USP30: variants seen among roughly 807,000 people sequenced by gnomAD.
USP30 encodes the protein ubiquitin specific peptidase 30, also known as ubiquitin carboxyl-terminal hydrolase 30.
In USP30, 41 loss-of-function variants were observed where a neutral mutation model predicts 68.2. The observed-to-expected ratio is 0.60, with a 90% CI of 0.47 to 0.78. The LOEUF (loss-of-function observed/expected upper bound fraction) is 0.78, where lower values mean the gene tolerates loss of function less well. Ranked by LOEUF, USP30 falls within the 30% of genes least tolerant of loss-of-function variation. The pLI is 0.00. For missense variants in USP30, 522 were observed against 649.4 expected (o/e 0.80, Z 2.13); for synonymous variants, 229 against 253.7 (o/e 0.90, Z 0.93).
chr12:109,061,119 C>A (rs2041051108), intron 3 of USP30, among the ~76,000 whole-genome samples: 1 of 152,080 alleles, frequency 6.6e-6, no homozygotes, highest in African/African-American at 2.4e-5. Flanking sequence ...TAGAACTTGT[C>A]TCTAATCCTA....
At chr12:109,061,442 T>C (rs1459568321) in intron 3 of USP30, among the ~76,000 whole-genome samples, 2 of 150,968 alleles carry the variant, frequency 1.3e-5, no homozygotes, top group Non-Finnish European at 3.0e-5. Flanking sequence ...GGTTCTTCTG[T>C]CTGTCGCCCA....
At chr12:109,080,814 A>G (rs2041774844) in intron 7 of USP30, among the ~76,000 whole-genome samples, 1 of 152,218 alleles carries the variant, frequency 6.6e-6, no homozygotes, top group Non-Finnish European at 1.5e-5. Flanking sequence ...AGTTGCTTAC[A>G]GCATTCAGTA....
chr12:109,085,620 C>A (rs1566109773), intron 12 of USP30, 47 bp from the exon 13 acceptor site: 4 of 1,598,254 alleles, frequency 2.5e-6, no homozygotes, highest in Admixed American at 1.7e-5. Flanking sequence ...CCTATAAAGT[C>A]TTTTTGTTAA....
At chr12:109,057,209 T>A (rs79932573) in intron 2 of USP30, among the ~76,000 whole-genome samples, 177 of 152,160 alleles carry the variant, frequency 1.2e-3, no homozygotes, top group African/African-American at 4.0e-3. Flanking sequence ...TTTTTTTTTT[T>A]AATGCTCCCT....
At chr12:109,083,170 A>G (rs2041853732) in intron 11 of USP30, 108 bp downstream of exon 11, 1 of 1,121,176 alleles carries the variant, frequency 8.9e-7, no homozygotes, top group Non-Finnish European at 1.2e-6. Flanking sequence ...AGGCTTGTAC[A>G]ATGGTGCTTA....
intron 3 of USP30, among the ~76,000 whole-genome samples, chr12:109,038,647 G>T (rs2040539739): frequency 6.6e-6 from 1 of 152,108 alleles, no homozygotes. Flanking sequence ...AAGAGGAATG[G>T]TTGGATCATT....
intron 6 of USP30, 150 bp from the exon 7 acceptor site, chr12:109,073,288 G>A (rs2041501497): frequency 4.8e-6 from 3 of 618,952 alleles, no homozygotes. Context: ...CTTTTGGATG[G>A]AAGTCAATGA....
At chr12:109,042,562 C>T (rs1312074194) in intron 3 of USP30, among the ~76,000 whole-genome samples, 4 of 152,228 alleles carry the variant, frequency 2.6e-5, no homozygotes, top group Non-Finnish European at 4.4e-5. Context: ...ATAGTACTCT[C>T]CTGTGTGGGT....
Position 109,083,044 on chromosome 12 carries a change from C to T in USP30, c.1150C>T (p.Pro384Ser), listed in dbSNP as rs749635745. 2 of 1,610,630 alleles carry T rather than the reference C, an allele frequency of 1.2e-6. No individual in the cohort carries two copies. The highest frequency in any genetic ancestry group is 1.3e-5 in the African/African-American group (1 of 74,958). Residue 384 changes from proline (P) to serine (S), a missense_variant, in exon 11 of 13, where the codon CCG becomes TCG. Coordinates refer to ENST00000257548, the MANE Select transcript of USP30 (RefSeq NM_032663.5). Reference sequence around the variant, plus strand: ...GCCTACACTGGAGCTGCAGGATGGGCCGGGAGCCCCCACACCAGGTGTGTG... The same window carrying T: ...GCCTACACTGGAGCTGCAGGATGGGTCGGGAGCCCCCACACCAGGTGTGTG... The part of the protein sequence containing the change: ...PGPTLELQDG[P>S]GAPTPVLNQP...
chr12:109,041,134 G>T (rs928717387), intron 3 of USP30, among the ~76,000 whole-genome samples: 4 of 152,178 alleles, frequency 2.6e-5, no homozygotes, highest in African/African-American at 4.8e-5. Context: ...AGATTAGAAA[G>T]AAAACAATTG....
At chr12:109,038,640 A>G (rs2040539586) in intron 3 of USP30, among the ~76,000 whole-genome samples, 1 of 152,198 alleles carries the variant, frequency 6.6e-6, no homozygotes, top group African/African-American at 2.4e-5. Flanking sequence ...TACCTAGAAG[A>G]GGAATGGTTG....
At chr12:109,081,624 C>CGT (rs2041802460) in intron 8 of USP30, 6 of 52,590 alleles carry the variant, frequency 1.1e-4, no homozygotes, top group South Asian at 4.2e-4. Context: ...CGCATGCGCG[C>CGT]ACACACACAC....
At chr12:109,045,814 C>T (rs1312460265) in intron 3 of USP30, among the ~76,000 whole-genome samples, 2 of 152,072 alleles carry the variant, frequency 1.3e-5, no homozygotes, top group African/African-American at 2.4e-5. Context: ...ATCAATAGAA[C>T]GCGTGTGTAT....
intron 11 of USP30, among the ~76,000 whole-genome samples, chr12:109,083,373 C>A (rs2041859048): frequency 6.6e-6 from 1 of 152,144 alleles, no homozygotes; most frequent in Admixed American, 6.5e-5. Flanking sequence ...TCACATCATT[C>A]CAGTGAATTT....
At chr12:109,074,571 A>G (rs2041539109) in intron 7 of USP30, among the ~76,000 whole-genome samples, 1 of 152,176 alleles carries the variant, frequency 6.6e-6, no homozygotes. Context: ...CCTGTCTAAC[A>G]TTGAGGTTCT....
chr12:109,076,870 T>C (rs1378895662), intron 7 of USP30, among the ~76,000 whole-genome samples: 2 of 151,816 alleles, frequency 1.3e-5, no homozygotes, highest in Non-Finnish European at 2.9e-5. Context: ...TAGCTGGGAC[T>C]ACAGGCGCCC....
chr12:109,074,406 G>T (rs1368083299), intron 7 of USP30, among the ~76,000 whole-genome samples: 2 of 152,198 alleles, frequency 1.3e-5, no homozygotes, highest in African/African-American at 4.8e-5. Flanking sequence ...AGAATTGCTA[G>T]CTTATATGGT....
rs1371182998 is a variant in USP30 at position 109,081,628 on chromosome 12, C to CGT, written c.780+235_780+236insGT. 2.3e-3 allele frequency: 532 copies of CGT among 235,160 alleles called. 4 individuals carry two copies. In the African/African-American group the frequency reaches 0.035, roughly 16 times the overall value. 14.6% of individuals were successfully genotyped at this position (235,160 alleles called of 1,614,324 possible). A position where few individuals can be genotyped will look rare whatever the true frequency, so the allele number is the denominator to read the frequency against. ...ATACACACGCACGCATGCGCGCACACACACACACACACACACACACACACA... is the reference window on the plus strand; with the variant it reads ...ATACACACGCACGCATGCGCGCACACGTACACACACACACACACACACACACA... On this transcript the variant is annotated intron_variant, in intron 8 of 12. Transcript: ENST00000257548.
At chr12:109,030,695 C>A (rs2040474470) in intron 3 of USP30, among the ~76,000 whole-genome samples, 1 of 152,210 alleles carries the variant, frequency 6.6e-6, no homozygotes, top group Non-Finnish European at 1.5e-5. Flanking sequence ...TGGCTCACTG[C>A]AACCTCTGCC....
Sources: allele counts gnomAD v4.1 joint callset (sites outside exome capture counted in the v4.1 genomes callset), GRCh38; gene constraint gnomAD v4.1.1; transcripts MANE v1.5; gene names NCBI Gene and HGNC (gene_info 2026-07-23, HGNC 2026-07-21).